CRISPLD2: variants seen among roughly 807,000 people sequenced by gnomAD.
The protein encoded by CRISPLD2 is cysteine rich secretory protein LCCL domain containing 2.
In CRISPLD2, 47 loss-of-function variants were observed where a neutral mutation model predicts 71.1. The observed-to-expected ratio is 0.66, with a 90% CI of 0.52 to 0.84. The LOEUF (loss-of-function observed/expected upper bound fraction) is 0.84. CRISPLD2 is among the 40% of genes least tolerant of loss of function. The pLI, the probability that CRISPLD2 is intolerant of heterozygous loss-of-function variation, is 0.00. For missense variants in CRISPLD2, 830 were observed against 651.1 expected, an observed-to-expected ratio of 1.27 and a Z score of -2.99; for synonymous variants, 317 against 250.1, an observed-to-expected ratio of 1.27 and a Z score of -2.52.
At chr16:84,823,009 T>C (rs1028358563) in intron 1 of CRISPLD2, among the ~76,000 whole-genome samples, 10 of 152,166 alleles carry the variant, frequency 6.6e-5, no homozygotes, top group Non-Finnish European at 1.5e-4. Context: ...CCAGGCCCAT[T>C]AGGCATCATT....
Position 84,839,270 on chromosome 16 carries a change from T to C in CRISPLD2, c.240+535T>C, listed in dbSNP as rs1202276757. On this transcript the variant is annotated intron_variant, in intron 2 of 14. Transcript: ENST00000262424. ...TGCCTCGTTGCCTTCATGTCACTCT[T>C]GGTAGCTCCACTGGGAACACAGCTC... 3.0e-5 allele frequency: 9 copies of C among 296,642 alleles called. No homozygotes were observed. The East Asian group carries it at 5.8e-4, about 19-fold the overall frequency. The allele number at this position is 296,642 out of a possible 1,614,324, so 18.4% of individuals were successfully genotyped here.
intron 1 of CRISPLD2, chr16:84,829,291 G>A (rs1916429443): frequency 6.6e-6 from 1 of 152,254 alleles, no homozygotes; most frequent in African/African-American, 2.4e-5. Flanking sequence ...AGGGTTTAAG[G>A]AAAACTGCCA....
At chr16:84,862,289 A>G (rs1043206476) in intron 6 of CRISPLD2, among the ~76,000 whole-genome samples, 3 of 151,574 alleles carry the variant, frequency 2.0e-5, no homozygotes, top group African/African-American at 7.3e-5. Flanking sequence ...TGCAGCCTCA[A>G]CCTCCCGGCC....
At chr16:84,906,185 A>T (rs1483609617) in intron 14 of CRISPLD2, among the ~76,000 whole-genome samples, 1 of 151,928 alleles carries the variant, frequency 6.6e-6, no homozygotes, top group Non-Finnish European at 1.5e-5. Flanking sequence ...GAAGGCGGTG[A>T]AGCACCTGGC....
At chr16:84,897,527 C>T (rs967413039) in intron 14 of CRISPLD2, among the ~76,000 whole-genome samples, 1 of 152,202 alleles carries the variant, frequency 6.6e-6, no homozygotes, top group Non-Finnish European at 1.5e-5. Context: ...ACTTCCCATA[C>T]CCAGAAACAA....
chr16:84,883,517 T>C (rs960182569), intron 13 of CRISPLD2, among the ~76,000 whole-genome samples: 1 of 152,208 alleles, frequency 6.6e-6, no homozygotes, highest in East Asian at 1.9e-4. Context: ...CACTTGGTGC[T>C]TGGATACGTT....
At chr16:84,881,749 T>A (rs2071570410) in intron 13 of CRISPLD2, among the ~76,000 whole-genome samples, 1 of 152,138 alleles carries the variant, frequency 6.6e-6, no homozygotes, top group South Asian at 2.1e-4. Context: ...GTGCTGGGAT[T>A]ATAGGGGTGA....
rs1273191970 is a variant in CRISPLD2 at position 84,849,446 on chromosome 16, C to G, written c.421C>G (p.Pro141Ala). Residue 141 changes from proline to alanine, a missense_variant, in exon 4 of 15, where the codon CCC becomes GCC. Transcript: ENST00000262424. ...TGACGAGGTGAAGGACTACACCTAC[C>G]CCTACCCGAGCGAGTGCAACCCCTG... ...WYDEVKDYTYPYPSECNPWCP... is the reference protein window; with the variant it reads ...WYDEVKDYTYAYPSECNPWCP... 6.2e-7 allele frequency: 1 copy of G among 1,613,970 alleles called. No homozygotes were observed. The highest frequency in any genetic ancestry group is 8.5e-7 in the Non-Finnish European group (1 of 1,179,864).
intron 11 of CRISPLD2, among the ~76,000 whole-genome samples, chr16:84,875,776 G>C (rs1326803284): frequency 8.6e-5 from 13 of 150,746 alleles, no homozygotes; most frequent in Admixed American, 7.9e-4. Context: ...ACGTTGGCCA[G>C]GCTGGTCTTG....
In CRISPLD2 at chr16:84,826,822, G is replaced by A. The variant is rs561132718; in HGVS notation, c.-75+6689G>A. Among the ~76,000 whole-genome samples, 60 of 152,022 alleles carry A rather than the reference G, an allele frequency of 3.9e-4. 1 individual carries two copies. The highest frequency in any genetic ancestry group is 1.4e-3 in the African/African-American group (58 of 41,454). ...GGCCTGACACATCGCAGTTCACTTT[G>A]AAGGCTGCTGAGCCGGGGCCCCAGG... On this transcript the variant is annotated intron_variant, in intron 1 of 14. Coordinates refer to ENST00000262424, the MANE Select transcript of CRISPLD2 (RefSeq NM_031476.4).
chr16:84,903,012 C>T (rs139563071), intron 14 of CRISPLD2, among the ~76,000 whole-genome samples: 1 of 152,070 alleles, frequency 6.6e-6, no homozygotes, highest in East Asian at 2.0e-4. Context: ...AAGTGATCTG[C>T]CCACCTCAGC....
chr16:84,895,982 G>T (rs2934472), intron 14 of CRISPLD2, among the ~76,000 whole-genome samples: 90,943 of 151,798 alleles, frequency 0.6, 27,952 homozygotes, highest in East Asian at 0.84. Flanking sequence ...GTCTAACTTT[G>T]AAATTTTCCT....
intron 5 of CRISPLD2, among the ~76,000 whole-genome samples, chr16:84,852,816 C>G (rs572237131): frequency 4.6e-5 from 7 of 152,254 alleles, no homozygotes; most frequent in South Asian, 2.1e-4. Context: ...TGCCTGTAAT[C>G]CCAGCCTCCT....
At chr16:84,860,964 T>C (rs1917363106) in intron 6 of CRISPLD2, among the ~76,000 whole-genome samples, 1 of 152,230 alleles carries the variant, frequency 6.6e-6, no homozygotes, top group African/African-American at 2.4e-5. Context: ...TTCATCACTT[T>C]GTCCGGTGAA....
chr16:84,833,331 C>T (rs1010313550), intron 1 of CRISPLD2, among the ~76,000 whole-genome samples: 3 of 152,242 alleles, frequency 2.0e-5, no homozygotes, highest in African/African-American at 7.2e-5. Flanking sequence ...GTCTCGGAGC[C>T]GTTATCTTAC....
chr16:84,836,730 G>C (rs11149691), intron 1 of CRISPLD2, among the ~76,000 whole-genome samples: 3 of 149,738 alleles, frequency 2.0e-5, no homozygotes, highest in Admixed American at 6.6e-5. Context: ...TCCCCACCCC[G>C]GCCCCACCCG....
intron 1 of CRISPLD2, among the ~76,000 whole-genome samples, chr16:84,834,801 G>A (rs1916575377): frequency 2.0e-5 from 3 of 152,074 alleles, no homozygotes; most frequent in Admixed American, 2.0e-4. Flanking sequence ...TTCTCCCTGT[G>A]TCCTCATGTG....
At position 84,907,908 on chromosome 16, in the gene CRISPLD2, C is replaced by G. The variant is rs1276597031; in HGVS notation, c.*1266C>G. 2 of 152,150 alleles carry G rather than the reference C, an allele frequency of 1.3e-5. No individual in the cohort carries two copies. Among genetic ancestry groups the G allele is most frequent in the Non-Finnish European group, 2.9e-5 (2 of 68,042 alleles). 9.4% of individuals were successfully genotyped at this position (152,150 alleles called of 1,614,324 possible). On this transcript the variant is annotated 3_prime_UTR_variant, in exon 15 of 15. Coordinates refer to ENST00000262424, the MANE Select transcript of CRISPLD2 (RefSeq NM_031476.4). Reference sequence around the variant, plus strand: ...ACTCTATAAAAGTGCTTCATGAGCCCAGACCAAAAGCCCACAGTGAAATGA... The same window carrying G: ...ACTCTATAAAAGTGCTTCATGAGCCGAGACCAAAAGCCCACAGTGAAATGA...
chr16:84,906,474 C>T, intron 14 of CRISPLD2, 114 bp from the exon 15 acceptor site: 1 of 1,045,520 alleles, frequency 9.6e-7, no homozygotes, highest in South Asian at 1.4e-5. Flanking sequence ...TTGGCCATGG[C>T]TCTTCCACTA....
Sources: allele counts gnomAD v4.1 joint callset (sites outside exome capture counted in the v4.1 genomes callset), GRCh38; gene constraint gnomAD v4.1.1; transcripts MANE v1.5; gene names NCBI Gene and HGNC (gene_info 2026-07-23, HGNC 2026-07-21).